DCAF8L2: variants seen among roughly 807,000 people sequenced by gnomAD.
The protein encoded by DCAF8L2 is DDB1 and CUL4 associated factor 8 like 2.
For missense variants in DCAF8L2, 430 were observed against 490.7 expected, an observed-to-expected ratio of 0.88 and a Z score of 1.17; for synonymous variants, 200 against 190.9, an observed-to-expected ratio of 1.05 and a Z score of -0.39.
chrX:27,745,183 A>G (rs763431807), intron 4 of DCAF8L2, among the ~76,000 whole-genome samples: 1 of 112,442 alleles, frequency 8.9e-6, no homozygotes, highest in South Asian at 3.7e-4. Context: ...AATAAAAAGA[A>G]TAACTGGACA....
At chrX:27,679,450 T>C (rs1019215536) in intron 3 of DCAF8L2, among the ~76,000 whole-genome samples, 6 of 111,556 alleles carry the variant, frequency 5.4e-5, no homozygotes, top group Non-Finnish European at 9.4e-5. Flanking sequence ...AAATTACTAA[T>C]GCCTTTAGAA....
At chrX:27,551,870 A>T in the DCAF8L2 span, among the ~76,000 whole-genome samples, 1 of 112,067 alleles carries the variant, frequency 8.9e-6, no homozygotes, top group Non-Finnish European at 1.9e-5. Flanking sequence ...TTGTTGGATC[A>T]TATGGTAGTC....
the DCAF8L2 span, among the ~76,000 whole-genome samples, chrX:27,486,009 A>T: frequency 2.3e-5 from 2 of 86,450 alleles, no homozygotes; most frequent in African/African-American, 4.4e-5. Context: ...GTTCCACTCT[A>T]GATTTTTTTT....
chrX:27,742,554 G>A (rs1039316967), intron 4 of DCAF8L2, among the ~76,000 whole-genome samples: 5 of 104,826 alleles, frequency 4.8e-5, no homozygotes, highest in Admixed American at 3.1e-4. Flanking sequence ...GGGCCACAAA[G>A]CAAGACTCCA....
chrX:27,597,633 T>G (rs1415285232), intron 1 of DCAF8L2, among the ~76,000 whole-genome samples: 2 of 111,982 alleles, frequency 1.8e-5, no homozygotes, highest in East Asian at 2.8e-4. Context: ...GGAAACAAAC[T>G]GACTCTCAAT....
rs186025576 is a variant in DCAF8L2, at chrX:27,720,493, C to T, written c.-59+4322C>T. Among the ~76,000 whole-genome samples the T allele has an allele frequency of 6.7e-3, 740 of 110,765 alleles. 6 individuals are homozygous for T. The highest frequency in any genetic ancestry group is 0.023 in the Middle Eastern group (5 of 214). Reference sequence around the variant, plus strand: ...GGTTCACGCCTTTCTCCTGCCTCAGCCTCCCGAGTAGCTGGGACTACAGGC... The same window carrying T: ...GGTTCACGCCTTTCTCCTGCCTCAGTCTCCCGAGTAGCTGGGACTACAGGC... On this transcript the variant is annotated intron_variant, in intron 4 of 4. Coordinates refer to ENST00000451261, the MANE Select transcript of DCAF8L2 (RefSeq NM_001353450.2).
chrX:27,632,690 C>T (rs1198998978), intron 2 of DCAF8L2: 1 of 111,336 alleles, frequency 9.0e-6, no homozygotes, highest in Non-Finnish European at 1.9e-5. Flanking sequence ...CAAGTCCCAC[C>T]TCCCCAAAGA....
chrX:27,560,140 G>A, the DCAF8L2 span, among the ~76,000 whole-genome samples: 4 of 109,402 alleles, frequency 3.7e-5, no homozygotes, highest in Non-Finnish European at 5.7e-5. Context: ...GGTGGTGGGT[G>A]CCTGTAGTCC....
the DCAF8L2 span, among the ~76,000 whole-genome samples, chrX:27,515,310 T>A: frequency 8.9e-6 from 1 of 112,370 alleles, no homozygotes; most frequent in Non-Finnish European, 1.9e-5. Context: ...ATAAGTGTAT[T>A]TTTACATTGA....
intron 2 of DCAF8L2, among the ~76,000 whole-genome samples, chrX:27,667,467 G>T (rs779191097): frequency 1.8e-5 from 2 of 111,344 alleles, no homozygotes; most frequent in Non-Finnish European, 3.8e-5. Context: ...AAGTCAAACT[G>T]TGGTTTTAGA....
chrX:27,486,207 T>G, the DCAF8L2 span, among the ~76,000 whole-genome samples: 2 of 109,291 alleles, frequency 1.8e-5, no homozygotes, highest in Non-Finnish European at 3.8e-5. Context: ...GGTTTCACCA[T>G]GTTGGCCAGG....
At chrX:27,586,481 G>A (rs1159087960), upstream of DCAF8L2, among the ~76,000 whole-genome samples, 3 of 111,312 alleles carry the variant, frequency 2.7e-5, no homozygotes, top group African/African-American at 9.8e-5. Context: ...CAACATAATG[G>A]TATGGTTTAT....
the DCAF8L2 span, among the ~76,000 whole-genome samples, chrX:27,482,101 A>G: frequency 8.1e-5 from 9 of 111,635 alleles, no homozygotes; most frequent in Non-Finnish European, 1.5e-4. Flanking sequence ...ATTCCTTCAC[A>G]TTTACTAGAT....
At chrX:27,566,193 C>T in the DCAF8L2 span, among the ~76,000 whole-genome samples, 8 of 109,626 alleles carry the variant, frequency 7.3e-5, no homozygotes, top group South Asian at 3.2e-3. Context: ...CACTGGAGCC[C>T]ACTGTGTGTA....
At chrX:27,502,899 G>A in the DCAF8L2 span, among the ~76,000 whole-genome samples, 1 of 111,554 alleles carries the variant, frequency 9.0e-6, no homozygotes, top group South Asian at 3.8e-4. Flanking sequence ...TTGTCTTCTT[G>A]GTCCACCATC....
At chrX:27,497,525 C>CTTCCTTCCTTCG in the DCAF8L2 span, among the ~76,000 whole-genome samples, 1 of 72,580 alleles carries the variant, frequency 1.4e-5, no homozygotes, top group East Asian at 4.7e-4. Context: ...TCCTTCCTTC[C>CTTCCTTCCTTCG]TTCCTTCCTT....
the DCAF8L2 span, among the ~76,000 whole-genome samples, chrX:27,499,900 C>T: frequency 2.7e-5 from 3 of 111,527 alleles, no homozygotes; most frequent in African/African-American, 6.5e-5. Context: ...CAAATGTTTT[C>T]TCACATTCTG....
chrX:27,591,749 T>C (rs1164522697), intron 1 of DCAF8L2, among the ~76,000 whole-genome samples: 2 of 111,957 alleles, frequency 1.8e-5, no homozygotes, highest in Non-Finnish European at 3.8e-5. Context: ...TATCATACCG[T>C]AGTGATGCTG....
At chrX:27,531,479 C>T in the DCAF8L2 span, among the ~76,000 whole-genome samples, 1 of 111,599 alleles carries the variant, frequency 9.0e-6, no homozygotes, top group African/African-American at 3.3e-5. Flanking sequence ...GAATTAATCC[C>T]ATTAAAATAT....
Sources: allele counts gnomAD v4.1 joint callset (sites outside exome capture counted in the v4.1 genomes callset), GRCh38; gene constraint gnomAD v4.1.1; transcripts MANE v1.5; gene names NCBI Gene and HGNC (gene_info 2026-07-23, HGNC 2026-07-21).